Variants in TALDO1 observed in about 807,000 individuals in gnomAD.
TALDO1 encodes transaldolase 1.
Under a neutral mutation model 38.1 loss-of-function variants are expected in TALDO1, and 29 were observed. The observed-to-expected ratio is 0.76, with a 90% CI of 0.57 to 1.04. The LOEUF (loss-of-function observed/expected upper bound fraction) is 1.04, where lower values mean the gene tolerates loss of function less well. Among genes scored for constraint, TALDO1 ranks in the 50% least tolerant of loss-of-function variants. The pLI, the probability that TALDO1 is intolerant of heterozygous loss-of-function variation, is 0.00. For synonymous variants in TALDO1, 207 were observed against 176.8 expected (o/e 1.17, Z -1.36); for missense variants, 499 against 438.1 (o/e 1.14, Z -1.24).
At chr11:761,447 C>T (rs1412810356) in intron 4 of TALDO1, among the ~76,000 whole-genome samples, 1 of 151,948 alleles carries the variant, frequency 6.6e-6, no homozygotes, top group Non-Finnish European at 1.5e-5. Context: ...GTTCCAGTAG[C>T]TATGATCGTA....
At chr11:764,540 T>C in intron 7 of TALDO1, 107 bp downstream of exon 7, 7 of 1,532,936 alleles carry the variant, frequency 4.6e-6, no homozygotes, top group Non-Finnish European at 4.4e-6. Context: ...AGACCCCAGG[T>C]CTCATTCACG....
In TALDO1 at chr11:763,773, AACT is replaced by A. The variant is rs1238110870; in HGVS notation, c.670_672del (p.Tyr224del). ...GGTAAAGAGTGTCACTAAAATCTAC[AACT>A]ACTACAAGAAGTTTAGCTACAAAAC... On this transcript the variant is annotated inframe_deletion, in exon 6 of 8. Coordinates refer to ENST00000319006, the MANE Select transcript of TALDO1 (RefSeq NM_006755.2). 2 of 1,613,892 alleles carry A rather than the reference AACT, an allele frequency of 1.2e-6. No individual in the cohort carries two copies. Among genetic ancestry groups the A allele is most frequent in the East Asian group, 2.2e-5 (1 of 44,892 alleles).
At chr11:751,974 CCTT>C (rs1316438519) in intron 1 of TALDO1, among the ~76,000 whole-genome samples, 2 of 152,278 alleles carry the variant, frequency 1.3e-5, no homozygotes, top group South Asian at 2.1e-4. Flanking sequence ...CCATCACTGA[CCTT>C]CTCCTCTCCT....
At chr11:755,836 C>T (rs1325648310) in intron 1 of TALDO1, 43 bp from the exon 2 acceptor site, 5 of 1,613,778 alleles carry the variant, frequency 3.1e-6, no homozygotes, top group Non-Finnish European at 4.2e-6. Context: ...CAGTTGGAAG[C>T]AAGTACTCCA....
At chr11:759,347 T>A (rs1291509400) in intron 3 of TALDO1, among the ~76,000 whole-genome samples, 1 of 151,924 alleles carries the variant, frequency 6.6e-6, no homozygotes, top group African/African-American at 2.4e-5. Context: ...CTGCAACCTC[T>A]GTCTCCCGGC....
At chr11:764,742 G>A (rs2133584205) in intron 7 of TALDO1, 71 bp from the exon 8 acceptor site, 1 of 1,608,762 alleles carries the variant, frequency 6.2e-7, no homozygotes, top group East Asian at 2.2e-5. Context: ...CCTTCCACAT[G>A]GTGCCTTGTG....
chr11:763,753 A>G lies in TALDO1; in HGVS notation c.644A>G (p.Lys215Arg). 1 of 1,613,990 alleles carries G rather than the reference A, an allele frequency of 6.2e-7. No individual in the cohort carries two copies. The highest frequency in any genetic ancestry group is 8.5e-7 in the Non-Finnish European group (1 of 1,180,010). The change falls in exon 6 of 8, where the codon AAG (lysine) becomes AGG (arginine). Residue 215 changes from lysine (K) to arginine (R), a missense_variant. Physicochemically the swap from Lys to Arg is conservative, Grantham distance 26. Transcript: ENST00000319006. The stretch of plus-strand genomic sequence containing the variant: ...CAGCTTGGTCTCTTTCCAGGGGTAA[A>G]GAGTGTCACTAAAATCTACAACTAC... Reference protein sequence around the residue: ...SYEPLEDPGVKSVTKIYNYYK... With the variant: ...SYEPLEDPGVRSVTKIYNYYK...
rs376108629 is a variant in TALDO1 at position 764,287 on chromosome 11, G to A, written c.836-1G>A. Reference sequence around the variant, plus strand: ...ATGGAAGGCTGGTTCTTGTCCCCCAGCCCAAGCCAGTGACCTGGAAAAAAT... The same window carrying A: ...ATGGAAGGCTGGTTCTTGTCCCCCAACCCAAGCCAGTGACCTGGAAAAAAT... On this transcript the variant is annotated splice_acceptor_variant, in intron 6 of 7. Coordinates refer to ENST00000319006, the MANE Select transcript of TALDO1 (RefSeq NM_006755.2). LOFTEE classifies it high-confidence loss of function. 15 of 1,614,048 alleles carry A rather than the reference G, an allele frequency of 9.3e-6. No homozygotes were observed. The highest frequency in any genetic ancestry group is 1.2e-5 in the Non-Finnish European group (14 of 1,180,034).
chr11:759,158 T>C, intron 3 of TALDO1, 101 bp downstream of exon 3: 1 of 1,004,730 alleles, frequency 1.0e-6, no homozygotes, highest in South Asian at 1.3e-5. Flanking sequence ...CCCATGGTCT[T>C]CATCCCAAGG....
At chr11:754,893 CTT>C (rs779487157) in intron 1 of TALDO1, among the ~76,000 whole-genome samples, 25 of 152,302 alleles carry the variant, frequency 1.6e-4, no homozygotes, top group Non-Finnish European at 3.4e-4. Flanking sequence ...GCCTCAGCCT[CTT>C]GAGTAGCTGA....
chr11:758,058 C>T (rs1232956146), intron 2 of TALDO1, among the ~76,000 whole-genome samples: 4 of 152,330 alleles, frequency 2.6e-5, no homozygotes, highest in African/African-American at 4.8e-5. Flanking sequence ...CCAAGACAGG[C>T]GGATCACGAG....
intron 4 of TALDO1, among the ~76,000 whole-genome samples, chr11:761,454 C>T (rs547231773): frequency 1.0e-3 from 155 of 151,584 alleles, no homozygotes; most frequent in South Asian, 4.4e-3. Flanking sequence ...TAGCTATGAT[C>T]GTACCACTGC....
chr11:761,977 T>C (rs1433489302), intron 4 of TALDO1, among the ~76,000 whole-genome samples: 2 of 151,842 alleles, frequency 1.3e-5, no homozygotes, highest in African/African-American at 4.8e-5. Flanking sequence ...TTTGTTTTTT[T>C]TTGTTTTTGA....
Position 747,558 on chromosome 11 carries a change from C to T in TALDO1, c.77C>T (p.Ala26Val), listed in dbSNP as rs777253560. ...DQLKQFTTVV[A>V]DTGDFHAIDE... ...CTCAAGCAGTTCACCACCGTGGTGG[C>T]CGACACGGGCGACTTCCACGGTGAG... The change falls in exon 1 of 8, where the codon GCC becomes GTC. Residue 26 changes from alanine (A) to valine (V), a missense_variant. Physicochemically the swap from Ala to Val is moderately conservative, Grantham distance 64. Transcript: ENST00000319006. The T allele has an allele frequency of 5.0e-6, 8 of 1,587,206 alleles. No individual in the cohort carries two copies. In the Middle Eastern group the frequency reaches 5.0e-4, roughly 99 times the overall value.
Position 755,862 on chromosome 11 carries a change from G to A in TALDO1, c.98-17G>A. The A allele has an allele frequency of 2.5e-6, 4 of 1,614,096 alleles. No homozygotes were observed. Among genetic ancestry groups the A allele is most frequent in the Non-Finnish European group, 3.4e-6 (4 of 1,180,006 alleles). On this transcript the variant is annotated splice_polypyrimidine_tract_variant and intron_variant, in intron 1 of 7. Transcript: ENST00000319006. ...AAGTACTCCACTTACTTTGGCTTTT[G>A]AAAACTATTTCCCTAGCCATCGACG...
At chr11:756,179 ACCTG>A in intron 2 of TALDO1, 177 bp downstream of exon 2, 2 of 890,350 alleles carry the variant, frequency 2.2e-6, no homozygotes, top group Non-Finnish European at 3.3e-6. Flanking sequence ...AGTAACCTGC[ACCTG>A]TGGTAAATGA....
chr11:764,541 C>T (rs1863015058), intron 7 of TALDO1, 108 bp downstream of exon 7: 1 of 1,527,978 alleles, frequency 6.5e-7, no homozygotes, highest in Non-Finnish European at 8.9e-7. Context: ...GACCCCAGGT[C>T]TCATTCACGT....
intron 7 of TALDO1, 106 bp downstream of exon 7, chr11:764,539 G>A (rs965483090): frequency 1.3e-6 from 2 of 1,535,492 alleles, no homozygotes; most frequent in Admixed American, 1.9e-5. Flanking sequence ...GAGACCCCAG[G>A]TCTCATTCAC....
At chr11:760,422 C>A in intron 4 of TALDO1, 169 bp downstream of exon 4, 1 of 967,922 alleles carries the variant, frequency 1.0e-6, no homozygotes, top group South Asian at 1.4e-5. Flanking sequence ...GATCTGCCCT[C>A]TGCTCCAGAG....
Sources: gnomAD v4.1 joint callset for allele counts (sites outside exome capture counted in the v4.1 genomes callset) on GRCh38, gnomAD v4.1.1 for gene constraint, MANE v1.5 for transcripts, NCBI Gene and HGNC (gene_info 2026-07-23, HGNC 2026-07-21) for gene names.